Variants in ZMYM4 observed in about 807,000 individuals in gnomAD.
ZMYM4 encodes zinc finger MYM-type containing 4.
In ZMYM4, 31 loss-of-function variants were observed where a neutral mutation model predicts 183.2. The observed-to-expected ratio is 0.17, with a 90% CI of 0.13 to 0.23. The LOEUF (loss-of-function observed/expected upper bound fraction) is 0.23. Among genes scored for constraint, ZMYM4 ranks in the 10% least tolerant of loss-of-function variants. The pLI, the probability that ZMYM4 is intolerant of heterozygous loss-of-function variation, is 1.00. For missense variants in ZMYM4, 1,273 were observed against 1,840.3 expected (o/e 0.69, Z 5.64); for synonymous variants, 592 against 631.2 (o/e 0.94, Z 0.93).
chr1:35,398,320 T>C, intron 20 of ZMYM4, 93 bp from the exon 21 acceptor site: 1 of 1,046,986 alleles, frequency 9.6e-7, no homozygotes, highest in Non-Finnish European at 1.4e-6. Context: ...TAGAACTTTG[T>C]AGTATGATTG....
intron 2 of ZMYM4, among the ~76,000 whole-genome samples, chr1:35,354,756 A>AAAAAAAAG (rs1643754876): frequency 6.9e-6 from 1 of 145,876 alleles, no homozygotes; most frequent in African/African-American, 2.5e-5. Context: ...AAAAAAAAAA[A>AAAAAAAAG]GTTGAATTGT....
At chr1:35,270,423 C>G (rs1284590901) in intron 1 of ZMYM4, among the ~76,000 whole-genome samples, 2 of 151,708 alleles carry the variant, frequency 1.3e-5, no homozygotes, top group East Asian at 1.9e-4. Context: ...ATAAAACTTA[C>G]GGGGAGCAGT....
intron 26 of ZMYM4, among the ~76,000 whole-genome samples, chr1:35,411,364 C>T (rs1639888625): frequency 6.6e-6 from 1 of 151,588 alleles, no homozygotes; most frequent in African/African-American, 2.4e-5. Flanking sequence ...ACTGTGTTAG[C>T]CAGGATGGTC....
At chr1:35,370,282 A>G (rs1644176188) in intron 6 of ZMYM4, 90 bp from the exon 7 acceptor site, 15 of 1,451,434 alleles carry the variant, frequency 1.0e-5, no homozygotes, top group South Asian at 9.1e-5. Context: ...CTAGAAGAGA[A>G]AGAAAGAATG....
intron 5 of ZMYM4, among the ~76,000 whole-genome samples, chr1:35,369,499 C>T (rs1284259693): frequency 6.6e-6 from 1 of 151,852 alleles, no homozygotes; most frequent in Non-Finnish European, 1.5e-5. Flanking sequence ...AATATACAAA[C>T]GTTCAAATGA....
intron 1 of ZMYM4, among the ~76,000 whole-genome samples, chr1:35,294,630 C>A (rs986281757): frequency 6.6e-6 from 1 of 152,140 alleles, no homozygotes; most frequent in African/African-American, 2.4e-5. Context: ...GGATGGTCTA[C>A]TGGCCATTTT....
rs1553179061 is a variant in ZMYM4 at position 35,389,781 on chromosome 1, A to ATATGTGTGTGTGTGTG, written c.2437-166_2437-165insATGTGTGTGTGTGTGT. Reference sequence around the variant, plus strand: ...AAAAAAAAAAAAAATATATATATATATGTGTGTGTGTGTGTGTGTGTGTGT... The same window carrying ATATGTGTGTGTGTGTG: ...AAAAAAAAAAAAAATATATATATATATATGTGTGTGTGTGTGTGTGTGTGTGTGTGTGTGTGTGTGT... On this transcript the variant is annotated intron_variant, in intron 14 of 29. Coordinates refer to ENST00000314607, the MANE Select transcript of ZMYM4 (RefSeq NM_005095.3). This position sits in a 1 kb window ranked among gnomAD's most constrained non-coding sequence, Gnocchi z 4.0. 1.7e-4 allele frequency among the ~76,000 whole-genome samples: 24 copies of ATATGTGTGTGTGTGTG among 141,476 alleles called. No individual in the cohort carries two copies. Among genetic ancestry groups the ATATGTGTGTGTGTGTG allele is most frequent in the East Asian group, 1.5e-3 (7 of 4,698 alleles). 92.8% of individuals were successfully genotyped at this position (141,476 alleles called of 152,430 possible). A position where few individuals can be genotyped will look rare whatever the true frequency, so the allele number is the denominator to read the frequency against.
chr1:35,310,098 G>A (rs1435082868), intron 1 of ZMYM4, among the ~76,000 whole-genome samples: 3 of 151,678 alleles, frequency 2.0e-5, no homozygotes, highest in African/African-American at 7.3e-5. Flanking sequence ...CCCGGCTAAT[G>A]TTTGTATATT....
chr1:35,283,276 A>G (rs966988743), intron 1 of ZMYM4, among the ~76,000 whole-genome samples: 2 of 147,212 alleles, frequency 1.4e-5, no homozygotes, highest in Admixed American at 1.3e-4. Context: ...CGGCCTTTCA[A>G]AGTCTTTTAT....
intron 1 of ZMYM4, among the ~76,000 whole-genome samples, chr1:35,313,533 C>T (rs559224932): frequency 2.6e-5 from 4 of 151,780 alleles, no homozygotes; most frequent in South Asian, 2.1e-4. Flanking sequence ...GGACTACAGG[C>T]GGGCGTCACC....
chr1:35,411,180 CTTTT>C (rs1184728904), intron 26 of ZMYM4, among the ~76,000 whole-genome samples: 1 of 143,826 alleles, frequency 7.0e-6, no homozygotes, highest in Non-Finnish European at 1.5e-5. Context: ...ATCCATTTTT[CTTTT>C]TTCTTTTTTT....
At chr1:35,409,401 G>A (rs1040723480) in intron 26 of ZMYM4, among the ~76,000 whole-genome samples, 2 of 152,006 alleles carry the variant, frequency 1.3e-5, no homozygotes, top group African/African-American at 4.8e-5. Context: ...AGCAGTGTAT[G>A]AAGATTCCAG....
chr1:35,418,477 AGAT>A lies in ZMYM4; in HGVS notation c.4350_4352del (p.Asp1450del). ...CTGTTGGCAAGAGGAAACGAAATGA[AGAT>A]GATGAGGTTCCAGTGGGGGTGGAGA... is the stretch of plus-strand genomic sequence containing the variant. On this transcript the variant is annotated inframe_deletion, in exon 29 of 30. Coordinates refer to ENST00000314607, the MANE Select transcript of ZMYM4 (RefSeq NM_005095.3). The A allele has an allele frequency of 6.2e-7, 1 of 1,614,116 alleles. No homozygotes were observed. Among genetic ancestry groups the A allele is most frequent in the Non-Finnish European group, 8.5e-7 (1 of 1,180,004 alleles).
At position 35,319,547 on chromosome 1, in the gene ZMYM4, C is replaced by T. The variant is rs1016804051; in HGVS notation, c.40-5813C>T. ...TTGAGGTGGGAGGATCCCTTGAGCT[C>T]AGGAGTTTGAGGCTGCAGTGAGCCA... On this transcript the variant is annotated intron_variant, in intron 1 of 29. Coordinates refer to ENST00000314607, the MANE Select transcript of ZMYM4 (RefSeq NM_005095.3). Among the ~76,000 whole-genome samples the T allele has an allele frequency of 3.3e-5, 5 of 152,134 alleles. No homozygotes were observed. The East Asian group carries it at 5.8e-4, about 18-fold the overall frequency.
chr1:35,358,731 G>T, intron 2 of ZMYM4, 194 bp from the exon 3 acceptor site: 1 of 476,076 alleles, frequency 2.1e-6, no homozygotes, highest in Non-Finnish European at 3.6e-6. Context: ...CTCAAGTTTT[G>T]GCTCCTTGTT....
At chr1:35,373,562 T>TG (rs1235677404) in intron 7 of ZMYM4, among the ~76,000 whole-genome samples, 1 of 144,218 alleles carries the variant, frequency 6.9e-6, no homozygotes, top group Non-Finnish European at 1.5e-5. Context: ...TTTTTTTTTT[T>TG]TTTTGTATTT....
chr1:35,397,220 T>G, intron 19 of ZMYM4, 157 bp from the exon 20 acceptor site: 2 of 1,085,740 alleles, frequency 1.8e-6, no homozygotes, highest in Non-Finnish European at 2.4e-6. Flanking sequence ...ATGGCTCTAG[T>G]CTTATAAAAA....
intron 2 of ZMYM4, among the ~76,000 whole-genome samples, chr1:35,355,200 C>CTTTTTTTTTTTTTTTTT (rs1013941289): frequency 1.3e-5 from 1 of 77,198 alleles, no homozygotes; most frequent in African/African-American, 5.2e-5. Context: ...CGCCTGGCTT[C>CTTTTTTTTTTTTTTTTT]TTTTTTTTTT....
intron 15 of ZMYM4, among the ~76,000 whole-genome samples, chr1:35,390,321 G>T (rs1216309005): frequency 6.6e-6 from 1 of 152,126 alleles, no homozygotes; most frequent in Non-Finnish European, 1.5e-5. Context: ...CAACAAGGCT[G>T]TTTATTTCAC....
Sources: allele counts gnomAD v4.1 joint callset (sites outside exome capture counted in the v4.1 genomes callset), GRCh38; gene constraint gnomAD v4.1.1; non-coding constraint Gnocchi (gnomAD v3.1); transcripts MANE v1.5; gene names NCBI Gene and HGNC (gene_info 2026-07-23, HGNC 2026-07-21).